The following RTN4RL1 variants were observed in gnomAD, a reference collection of about 807,000 sequenced individuals.
The protein encoded by RTN4RL1 is reticulon 4 receptor like 1.
Under a neutral mutation model 25.6 loss-of-function variants are expected in RTN4RL1, and 7 were observed. That is an observed-to-expected ratio of 0.27 (90% confidence interval 0.16 to 0.51). The LOEUF (loss-of-function observed/expected upper bound fraction) is 0.51, where lower values mean the gene tolerates loss of function less well. Among genes scored for constraint, RTN4RL1 ranks in the 20% least tolerant of loss-of-function variants. RTN4RL1 has a pLI of 0.97. For missense variants in RTN4RL1, 500 were observed against 615.6 expected, an observed-to-expected ratio of 0.81 and a Z score of 1.99; for synonymous variants, 297 against 288.2, an observed-to-expected ratio of 1.03 and a Z score of -0.31.
intron 1 of RTN4RL1, among the ~76,000 whole-genome samples, chr17:1,967,127 G>T (rs1307768222): frequency 6.7e-6 from 1 of 149,108 alleles, no homozygotes; most frequent in South Asian, 2.1e-4. Context: ...CCCCTCTGCA[G>T]GCCCCAGGCT....
intron 1 of RTN4RL1, among the ~76,000 whole-genome samples, chr17:1,973,540 G>A (rs1004156585): frequency 6.7e-6 from 1 of 150,012 alleles, no homozygotes; most frequent in African/African-American, 2.4e-5. Context: ...AGCAATCCCA[G>A]CTTCTTGAGT....
rs151234212 is a variant in RTN4RL1 at position 1,952,278 on chromosome 17, G to A, written c.14-14470C>T. Among the ~76,000 whole-genome samples the A allele has an allele frequency of 4.8e-3, 731 of 152,092 alleles. 6 individuals carry two copies. The highest frequency in any genetic ancestry group is 0.016 in the African/African-American group (683 of 41,456). On this transcript the variant is annotated intron_variant, in intron 1 of 1. Transcript: ENST00000331238. Reference sequence around the variant, plus strand: ...CACGCTGCATGACGTTTTGCCATGAGGGGCAGCGGAGAAACGGGGCTGGAC... The same window carrying A: ...CACGCTGCATGACGTTTTGCCATGAAGGGCAGCGGAGAAACGGGGCTGGAC...
At chr17:1,941,358 C>T (rs919045152) in intron 1 of RTN4RL1, among the ~76,000 whole-genome samples, 8 of 152,098 alleles carry the variant, frequency 5.3e-5, no homozygotes, top group South Asian at 2.1e-4. Flanking sequence ...GTGGGTGTGC[C>T]GTGGGTGGGA....
At position 1,998,450 on chromosome 17, in the gene RTN4RL1, G is replaced by A. The variant is rs529938716; in HGVS notation, c.13+26403C>T. Among the ~76,000 whole-genome samples the A allele has an allele frequency of 4.6e-5, 7 of 152,082 alleles. No homozygotes were observed. The highest frequency in any genetic ancestry group is 2.1e-4 in the South Asian group (1 of 4,830). ...CCTCTCGCGGGAGCCGCCGGCCGGG[G>A]ATCTGCGCACCCCACGCGCCCCGCT... is the stretch of plus-strand genomic sequence containing the variant. On this transcript the variant is annotated intron_variant, in intron 1 of 1. Coordinates refer to ENST00000331238, the MANE Select transcript of RTN4RL1 (RefSeq NM_178568.4). This position sits in a 1 kb window ranked among gnomAD's most constrained non-coding sequence, Gnocchi z 4.9.
chr17:2,014,624 G>C (rs969029424), intron 1 of RTN4RL1, among the ~76,000 whole-genome samples: 2 of 152,204 alleles, frequency 1.3e-5, no homozygotes, highest in African/African-American at 4.8e-5. Flanking sequence ...CTGAGGTCAG[G>C]AGTTCGAGAC....
In RTN4RL1 at chr17:2,002,300, AT is replaced by A. The variant is rs578099332; in HGVS notation, c.13+22552del. Among the ~76,000 whole-genome samples, 34 of 109,416 alleles carry A rather than the reference AT, an allele frequency of 3.1e-4. No individual in the cohort carries two copies. The East Asian group carries it at 4.1e-3, about 13-fold the overall frequency. The allele number at this position is 109,416 out of a possible 152,430, so 71.8% of individuals were successfully genotyped here. A position where few individuals can be genotyped will look rare whatever the true frequency, so the allele number is the denominator to read the frequency against. On this transcript the variant is annotated intron_variant, in intron 1 of 1. Transcript: ENST00000331238. Reference sequence around the variant, plus strand: ...CTCTTTTTTTTAATTTTTAATTTTAATTTTTTTTTTGAGACGGAGTCTTGCT... The same window carrying A: ...CTCTTTTTTTTAATTTTTAATTTTAATTTTTTTTTGAGACGGAGTCTTGCT...
At chr17:1,999,094 T>TCACACACACACACACACA (rs59609042) in intron 1 of RTN4RL1, among the ~76,000 whole-genome samples, 83 of 147,370 alleles carry the variant, frequency 5.6e-4, no homozygotes, top group African/African-American at 2.0e-3. Flanking sequence ...ACATGCGCGA[T>TCACACACACACACACACA]CACACACACA....
At chr17:1,939,220 G>A (rs1482778917) in intron 1 of RTN4RL1, among the ~76,000 whole-genome samples, 1 of 151,800 alleles carries the variant, frequency 6.6e-6, no homozygotes, top group East Asian at 1.9e-4. Flanking sequence ...GGGCGTGGTG[G>A]CGCGCACTTG....
At chr17:1,958,123 A>G (rs1034994200) in intron 1 of RTN4RL1, among the ~76,000 whole-genome samples, 1 of 148,736 alleles carries the variant, frequency 6.7e-6, no homozygotes, top group Non-Finnish European at 1.5e-5. Flanking sequence ...CAGGAGTTCA[A>G]AGGTTGCTAT....
chr17:1,953,184 G>A (rs1915721194), intron 1 of RTN4RL1, among the ~76,000 whole-genome samples: 1 of 152,134 alleles, frequency 6.6e-6, no homozygotes, highest in African/African-American at 2.4e-5. Flanking sequence ...AAGATGGGAG[G>A]ATTGTTTGAG....
chr17:2,012,410 G>C (rs1188852887), intron 1 of RTN4RL1, among the ~76,000 whole-genome samples: 2 of 152,146 alleles, frequency 1.3e-5, no homozygotes, highest in Non-Finnish European at 2.9e-5. Flanking sequence ...TCAGAGCCTC[G>C]GTATCCTCAT....
At position 1,983,402 on chromosome 17, in the gene RTN4RL1, T is replaced by C. The variant is rs12103776; in HGVS notation, c.13+41451A>G. On this transcript the variant is annotated intron_variant, in intron 1 of 1. Transcript: ENST00000331238. ...CAGTAATGACACCAGCGGGGGCCAA[T>C]TGACAGTGATACTAACAAAACATCC... Among the ~76,000 whole-genome samples the C allele has an allele frequency of 1.3e-3, 204 of 152,106 alleles. 3 individuals are homozygous for C. The highest frequency in any genetic ancestry group is 0.013 in the Admixed American group (202 of 15,282).
intron 1 of RTN4RL1, among the ~76,000 whole-genome samples, chr17:2,020,910 C>G (rs1185746133): frequency 6.6e-6 from 1 of 152,206 alleles, no homozygotes. Context: ...GCAAAGCAAA[C>G]CCCCCAGCGG....
chr17:1,945,572 A>G (rs201963134), intron 1 of RTN4RL1, among the ~76,000 whole-genome samples: 2 of 151,880 alleles, frequency 1.3e-5, no homozygotes, highest in East Asian at 3.9e-4. Context: ...GCTTGTTTCA[A>G]ACTCCTGGCC....
chr17:1,994,727 A>G lies in RTN4RL1; in HGVS notation c.13+30126T>C, dbSNP rs2066922370. ...CTGCTGCCTCCCACCTCCAAGCCTC[A>G]GTTTCCTTCTCTAGGAAAGGGGATA... is the stretch of plus-strand genomic sequence containing the variant. On this transcript the variant is annotated intron_variant, in intron 1 of 1. Transcript: ENST00000331238. The surrounding 1 kb of genome is among the most constrained non-coding windows in gnomAD (Gnocchi z 4.3). 6.6e-6 allele frequency among the ~76,000 whole-genome samples: 1 copy of G among 152,142 alleles called. No homozygotes were observed. Among genetic ancestry groups the G allele is most frequent in the Non-Finnish European group, 1.5e-5 (1 of 68,016 alleles).
chr17:1,939,890 C>T (rs1915406216), intron 1 of RTN4RL1, among the ~76,000 whole-genome samples: 1 of 152,242 alleles, frequency 6.6e-6, no homozygotes, highest in African/African-American at 2.4e-5. Context: ...CCTCCAGCCC[C>T]TTTGCTTCTA....
At chr17:1,939,816 G>A (rs1029667028) in intron 1 of RTN4RL1, among the ~76,000 whole-genome samples, 9 of 152,044 alleles carry the variant, frequency 5.9e-5, no homozygotes, top group East Asian at 1.9e-4. Context: ...TTGGGGGGCC[G>A]GCTCCAGGCC....
chr17:1,953,665 A>G (rs1292780918), intron 1 of RTN4RL1, among the ~76,000 whole-genome samples: 3 of 152,082 alleles, frequency 2.0e-5, no homozygotes, highest in African/African-American at 7.2e-5. Flanking sequence ...CCTGGGTTCA[A>G]GCGATTCTCC....
Position 1,937,061 on chromosome 17 carries a change from C to T in RTN4RL1, c.761G>A (p.Gly254Asp). ...GCGACAACCACAGTCCCAGGGGTTG[C>T]CGTTGAGGCGGAGGAACTCCAGGGC... ...LGALEFLRLN[G>D]NPWDCGCRAR... is the part of the protein sequence containing the mutation. Residue 254 changes from glycine (G) to aspartate (D), a missense_variant, in exon 2 of 2, where the codon GGC becomes GAC. This residue lies in a region of RTN4RL1 where 268 missense variants were observed against 274.5 expected (regional missense o/e 0.98). Coordinates refer to ENST00000331238, the MANE Select transcript of RTN4RL1 (RefSeq NM_178568.4). 1.2e-6 allele frequency: 2 copies of T among 1,604,834 alleles called. No homozygotes were observed. Among genetic ancestry groups the T allele is most frequent in the Admixed American group, 1.7e-5 (1 of 58,904 alleles).
Sources: gnomAD v4.1 joint callset for allele counts (sites outside exome capture counted in the v4.1 genomes callset) on GRCh38, gnomAD v4.1.1 for gene constraint, gnomAD v4.1.1 regional missense constraint, Gnocchi (gnomAD v3.1) non-coding constraint, MANE v1.5 for transcripts, NCBI Gene and HGNC (gene_info 2026-07-23, HGNC 2026-07-21) for gene names.